SLC39A11: variants seen among roughly 807,000 people sequenced by gnomAD.
SLC39A11 encodes solute carrier family 39 member 11.
SLC39A11 carries 33 observed loss-of-function variants against 36.1 expected under a neutral mutation model. The observed-to-expected ratio is 0.91, with a 90% CI of 0.69 to 1.22. SLC39A11 has a LOEUF of 1.22. Among genes scored for constraint, SLC39A11 ranks in the 50% most tolerant of loss-of-function variants. SLC39A11 has a pLI of 0.00. For missense variants in SLC39A11, 432 were observed against 430.3 expected, an observed-to-expected ratio of 1.00 and a Z score of -0.03; for synonymous variants, 166 against 170.3, an observed-to-expected ratio of 0.97 and a Z score of 0.20.
chr17:72,942,577 A>C (rs1301474589), intron 5 of SLC39A11, among the ~76,000 whole-genome samples: 1 of 152,228 alleles, frequency 6.6e-6, no homozygotes, highest in Non-Finnish European at 1.5e-5. Flanking sequence ...TTTGACTGGA[A>C]ATATCAGTGA....
chr17:72,919,678 AAAAAAAAG>A (rs1372198058), intron 5 of SLC39A11, among the ~76,000 whole-genome samples: 2 of 145,258 alleles, frequency 1.4e-5, no homozygotes, highest in Non-Finnish European at 3.0e-5. Flanking sequence ...TCAAAAAAAA[AAAAAAAAG>A]AAAAAAAGAA....
chr17:72,929,476 A>G (rs142274230), intron 5 of SLC39A11, among the ~76,000 whole-genome samples: 37 of 152,326 alleles, frequency 2.4e-4, no homozygotes, highest in Non-Finnish European at 4.1e-4. Context: ...AGGGGTCATC[A>G]TGGTGAGAGC....
intron 6 of SLC39A11, among the ~76,000 whole-genome samples, chr17:72,746,983 G>T (rs976555902): frequency 4.1e-5 from 6 of 144,870 alleles, no homozygotes; most frequent in African/African-American, 1.5e-4. Context: ...AGAGGTCAAG[G>T]CTGCAGTGAG....
At chr17:72,838,034 A>C in intron 6 of SLC39A11, 2,156 of 1,150,414 alleles carry the variant, frequency 1.9e-3, no homozygotes, top group South Asian at 2.3e-3. Context: ...CTATAATCTC[A>C]GCACTATGGG....
intron 6 of SLC39A11, among the ~76,000 whole-genome samples, chr17:72,788,699 A>T (rs939895383): frequency 2.0e-5 from 3 of 152,262 alleles, no homozygotes; most frequent in African/African-American, 7.2e-5. Flanking sequence ...TGGAGATGAC[A>T]TGAGCCAATG....
chr17:72,876,020 T>A (rs1336197784), intron 5 of SLC39A11, among the ~76,000 whole-genome samples: 2 of 152,146 alleles, frequency 1.3e-5, no homozygotes, highest in African/African-American at 2.4e-5. Flanking sequence ...AATCTAAATG[T>A]AATTAAAAGT....
At chr17:72,895,769 G>C (rs2081997776) in intron 5 of SLC39A11, among the ~76,000 whole-genome samples, 1 of 151,984 alleles carries the variant, frequency 6.6e-6, no homozygotes, top group South Asian at 2.1e-4. Flanking sequence ...TGAGTTCAAG[G>C]AAAGAAAATT....
At chr17:72,717,710 T>C (rs1266832036) in intron 7 of SLC39A11, among the ~76,000 whole-genome samples, 1 of 152,222 alleles carries the variant, frequency 6.6e-6, no homozygotes, top group African/African-American at 2.4e-5. Flanking sequence ...CAAATAAGGT[T>C]ACAGTCACAG....
rs1357630153 is a variant in SLC39A11, at chr17:73,064,782, C to T, written c.147+20026G>A. On this transcript the variant is annotated intron_variant, in intron 3 of 9. Coordinates refer to ENST00000255559, the MANE Select transcript of SLC39A11 (RefSeq NM_139177.4). Reference sequence around the variant, plus strand: ...ATCCGGCATCCAACCCTGTAGCCAGCAAACCTCTCCAGGCCCTGGGAAAAG... The same window carrying T: ...ATCCGGCATCCAACCCTGTAGCCAGTAAACCTCTCCAGGCCCTGGGAAAAG... Among the ~76,000 whole-genome samples, 3 of 152,272 alleles carry T rather than the reference C, an allele frequency of 2.0e-5. No individual in the cohort carries two copies. In the East Asian group the frequency reaches 5.8e-4, roughly 29 times the overall value.
intron 5 of SLC39A11, among the ~76,000 whole-genome samples, chr17:72,909,192 C>T (rs1005675638): frequency 6.6e-6 from 1 of 152,126 alleles, no homozygotes; most frequent in African/African-American, 2.4e-5. Flanking sequence ...GTGGCCTCAA[C>T]CTCCTGGGCT....
chr17:73,086,821 A>G (rs1031844647), intron 2 of SLC39A11, among the ~76,000 whole-genome samples: 3 of 152,062 alleles, frequency 2.0e-5, no homozygotes, highest in African/African-American at 7.2e-5. Flanking sequence ...CTCTAGCTCA[A>G]AAAAAATAAA....
At chr17:72,692,923 G>A (rs1265537766) in intron 7 of SLC39A11, among the ~76,000 whole-genome samples, 2 of 151,928 alleles carry the variant, frequency 1.3e-5, no homozygotes, top group Admixed American at 6.6e-5. Context: ...ACCTAACCAG[G>A]GTCTGCTTTC....
At chr17:72,907,961 G>C (rs138866796) in intron 5 of SLC39A11, among the ~76,000 whole-genome samples, 2 of 152,360 alleles carry the variant, frequency 1.3e-5, no homozygotes, top group East Asian at 3.9e-4. Context: ...AGCAGGGGCA[G>C]GGCACAGAGG....
intron 4 of SLC39A11, among the ~76,000 whole-genome samples, chr17:72,982,568 C>A (rs1174741140): frequency 6.6e-6 from 1 of 152,132 alleles, no homozygotes; most frequent in Non-Finnish European, 1.5e-5. Context: ...TTTGCAAAAA[C>A]CTTGTTCGTA....
intron 4 of SLC39A11, among the ~76,000 whole-genome samples, chr17:72,970,301 T>C (rs1002821545): frequency 4.6e-5 from 7 of 152,354 alleles, no homozygotes; most frequent in Non-Finnish European, 7.4e-5. Flanking sequence ...AACTTTCTGC[T>C]TCTCATGGTC....
At chr17:72,854,076 C>A (rs2079512167) in intron 5 of SLC39A11, among the ~76,000 whole-genome samples, 1 of 152,126 alleles carries the variant, frequency 6.6e-6, no homozygotes, top group African/African-American at 2.4e-5. Flanking sequence ...ATCAGAGACA[C>A]TGGTTAATAG....
chr17:72,788,624 A>G (rs1227166873), intron 6 of SLC39A11, among the ~76,000 whole-genome samples: 1 of 152,242 alleles, frequency 6.6e-6, no homozygotes, highest in Non-Finnish European at 1.5e-5. Flanking sequence ...TACACACATA[A>G]TTTTGGGAGG....
At position 72,646,675 on chromosome 17, in the gene SLC39A11, G is replaced by A. The variant is rs1162172376; in HGVS notation, c.*909C>T. 1 of 152,628 alleles carries A rather than the reference G, an allele frequency of 6.6e-6. No individual in the cohort carries two copies. The highest frequency in any genetic ancestry group is 2.4e-5 in the African/African-American group (1 of 41,444). 9.5% of individuals were successfully genotyped at this position (152,628 alleles called of 1,614,324 possible). On this transcript the variant is annotated 3_prime_UTR_variant, in exon 10 of 10. Transcript: ENST00000255559. Reference sequence around the variant, plus strand: ...ACTCTTTCATTCACTTGAGTTAACTGAAATGGCTCCTTCTTTGAGTAATTG... The same window carrying A: ...ACTCTTTCATTCACTTGAGTTAACTAAAATGGCTCCTTCTTTGAGTAATTG...
Position 72,647,573 on chromosome 17 carries a change from G to T in SLC39A11, c.*11C>A, listed in dbSNP as rs2069611791. The T allele has an allele frequency of 1.2e-6, 2 of 1,612,624 alleles. No homozygotes were observed. Among genetic ancestry groups the T allele is most frequent in the East Asian group, 4.5e-5 (2 of 44,858 alleles). On this transcript the variant is annotated 3_prime_UTR_variant, in exon 10 of 10. Coordinates refer to ENST00000255559, the MANE Select transcript of SLC39A11 (RefSeq NM_139177.4). ...CGTATGGCCTTTCCCGGGGTCCGAA[G>T]CGTCTCAGCCCTAGCCCAGGCCAAC...
Sources: gnomAD v4.1 joint callset for allele counts (sites outside exome capture counted in the v4.1 genomes callset) on GRCh38, gnomAD v4.1.1 for gene constraint, MANE v1.5 for transcripts, NCBI Gene and HGNC (gene_info 2026-07-23, HGNC 2026-07-21) for gene names.